Variants in PML observed in about 807,000 individuals in gnomAD.
The protein encoded by PML is protein PML.
Under a neutral mutation model 65.2 loss-of-function variants are expected in PML, and 28 were observed. The ratio of observed to expected loss-of-function variants is 0.43; its 90% CI spans 0.32 to 0.59. The LOEUF is 0.59. Ranked by LOEUF, PML falls within the 20% of genes least tolerant of loss-of-function variation. The pLI is 0.08. For missense variants in PML, 1,021 were observed against 1,203.4 expected, an observed-to-expected ratio of 0.85 and a Z score of 2.24; for synonymous variants, 500 against 508.8, an observed-to-expected ratio of 0.98 and a Z score of 0.23.
chr15:74,005,396 T>C (rs1325896038), intron 2 of PML, among the ~76,000 whole-genome samples: 1 of 152,192 alleles, frequency 6.6e-6, no homozygotes, highest in Non-Finnish European at 1.5e-5. Flanking sequence ...TATATGGATA[T>C]TGGAACTCCA....
rs1358122869 is a variant in PML, at chr15:74,037,775, G to A, written c.1710+3245G>A. ...GGCTCTGTTTTTTCTTGGTTGTGGT[G>A]CTCCTGCAGGTTTGCTGCTGGGCCC... On this transcript the variant is annotated intron_variant, in intron 7 of 8. Coordinates refer to ENST00000268058, the MANE Select transcript of PML (RefSeq NM_033238.3). The surrounding 1 kb of genome is among the most constrained non-coding windows in gnomAD (Gnocchi z 4.2). 1.1e-6 allele frequency: 1 copy of A among 936,362 alleles called. No individual in the cohort carries two copies. Among genetic ancestry groups the A allele is most frequent in the Non-Finnish European group, 1.3e-6 (1 of 785,230 alleles). The allele number at this position is 936,362 out of a possible 1,614,324, so 58.0% of individuals were successfully genotyped here.
intron 2 of PML, among the ~76,000 whole-genome samples, chr15:74,000,345 G>A (rs1290379812): frequency 4.0e-5 from 6 of 149,624 alleles, no homozygotes; most frequent in South Asian, 4.3e-4. Context: ...TTGCTCTGTC[G>A]CCCAGGCTGG....
intron 2 of PML, among the ~76,000 whole-genome samples, chr15:74,000,210 G>C (rs1367622700): frequency 6.6e-6 from 1 of 152,200 alleles, no homozygotes; most frequent in Non-Finnish European, 1.5e-5. Context: ...ATCCATGGGA[G>C]TCTGTTTCAA....
At chr15:74,017,452 G>A (rs1005974413) in intron 2 of PML, among the ~76,000 whole-genome samples, 1 of 152,082 alleles carries the variant, frequency 6.6e-6, no homozygotes, top group Non-Finnish European at 1.5e-5. Flanking sequence ...ATCGAGACCA[G>A]CCTGGCCGGC....
In PML at chr15:74,036,026, C is replaced by T. The variant is rs370389300; in HGVS notation, c.1710+1496C>T. On this transcript the variant is annotated intron_variant, in intron 7 of 8. Transcript: ENST00000268058. ...CCTGAGCTGCCTCCTCCAGCCCATG[C>T]TCTTACAGGCCCTGCACAGAGTAGC... is the stretch of plus-strand genomic sequence containing the variant. The T allele has an allele frequency of 2.5e-6, 4 of 1,614,008 alleles. No individual in the cohort carries two copies. In the African/African-American group the frequency reaches 5.3e-5, roughly 22 times the overall value.
chr15:74,028,337 C>G (rs910901472), intron 4 of PML: 2 of 151,898 alleles, frequency 1.3e-5, no homozygotes, highest in African/African-American at 4.8e-5. Context: ...GCCAGCCCGG[C>G]CTTCGGGGAG....
At position 74,043,145 on chromosome 15, in the gene PML, T is replaced by C. The variant is rs1373511165; in HGVS notation, c.1861+6T>C. On this transcript the variant is annotated splice_donor_region_variant and intron_variant, in intron 8 of 8. Coordinates refer to ENST00000268058, the MANE Select transcript of PML (RefSeq NM_033238.3). This position sits in a 1 kb window ranked among gnomAD's most constrained non-coding sequence, Gnocchi z 4.3. ...CCTCAAGATTGACAATGAAAGTGGG[T>C]TCTCCTGGGGCTACCCCCACCCCTT... 9.3e-6 allele frequency: 15 copies of C among 1,613,418 alleles called. No individual in the cohort carries two copies. Among genetic ancestry groups the C allele is most frequent in the Non-Finnish European group, 1.3e-5 (15 of 1,179,938 alleles).
chr15:74,042,600 C>T lies in PML; in HGVS notation c.1711-389C>T. Reference sequence around the variant, plus strand: ...CCATAAGCAGCACAGCACACTCATGCACACACCCACTGGCATTTTCTCTCA... The same window carrying T: ...CCATAAGCAGCACAGCACACTCATGTACACACCCACTGGCATTTTCTCTCA... On this transcript the variant is annotated intron_variant, in intron 7 of 8. Transcript: ENST00000268058. The surrounding 1 kb of genome is among the most constrained non-coding windows in gnomAD (Gnocchi z 5.3). 1.0e-6 allele frequency: 1 copy of T among 985,448 alleles called. No homozygotes were observed. Among genetic ancestry groups the T allele is most frequent in the Non-Finnish European group, 1.2e-6 (1 of 829,940 alleles). 61.0% of individuals were successfully genotyped at this position (985,448 alleles called of 1,614,324 possible).
chr15:74,023,354 G>C lies in PML; in HGVS notation c.1129G>C (p.Asp377His). The change falls in exon 3 of 9, where the codon GAC becomes CAC. Residue 377 changes from aspartate (D) to histidine (H), a missense_variant. Asp to His is a moderately conservative substitution (Grantham distance 81, BLOSUM62 -1). Transcript: ENST00000268058. ...LQAAVRTDGF[D>H]EFKVRLQDLS... Reference sequence around the variant, plus strand: ...AGCTGCCGTGCGCACCGATGGCTTCGACGAGTTCAAGGTGCGCCTGCAGGA... The same window carrying C: ...AGCTGCCGTGCGCACCGATGGCTTCCACGAGTTCAAGGTGCGCCTGCAGGA... The C allele has an allele frequency of 1.9e-6, 3 of 1,602,460 alleles. No individual in the cohort carries two copies. The highest frequency in any genetic ancestry group is 2.2e-5 in the South Asian group (2 of 91,062).
At position 74,035,598 on chromosome 15, in the gene PML, G is replaced by T. The variant is rs2071518258; in HGVS notation, c.1710+1068G>T. ...TCCTGCCAATGCCCAGGAACATCCT[G>T]CCCAGCTGCAAAGGGGCATCAGCCC... On this transcript the variant is annotated intron_variant, in intron 7 of 8. Coordinates refer to ENST00000268058, the MANE Select transcript of PML (RefSeq NM_033238.3). This position sits in a 1 kb window ranked among gnomAD's most constrained non-coding sequence, Gnocchi z 4.1. The T allele has an allele frequency of 6.2e-7, 1 of 1,612,646 alleles. No individual in the cohort carries two copies. Among genetic ancestry groups the T allele is most frequent in the Non-Finnish European group, 8.5e-7 (1 of 1,179,980 alleles).
At chr15:74,038,907 G>A (rs972696367) in intron 7 of PML, among the ~76,000 whole-genome samples, 14 of 152,226 alleles carry the variant, frequency 9.2e-5, no homozygotes, top group African/African-American at 3.4e-4. Flanking sequence ...TAGTCATGGG[G>A]TGGAGCAGTG....
At position 74,044,760 on chromosome 15, in the gene PML, CACA is replaced by C. The variant is rs754891232; in HGVS notation, c.2404_2406del (p.Asn802del). The stretch of plus-strand genomic sequence containing the variant: ...GGCTGAGGCCCGCCTCCTGGCCCTA[CACA>C]ACGTGAGCTTCATGGAGCTGCTGAG... On this transcript the variant is annotated inframe_deletion, in exon 9 of 9. Transcript: ENST00000268058. 1.2e-6 allele frequency: 2 copies of C among 1,612,812 alleles called. No individual in the cohort carries two copies. The highest frequency in any genetic ancestry group is 1.7e-6 in the Non-Finnish European group (2 of 1,180,026).
chr15:74,043,480 C>A lies in PML; in HGVS notation c.1861+341C>A. 9.6e-7 allele frequency: 1 copy of A among 1,036,692 alleles called. No individual in the cohort carries two copies. Among genetic ancestry groups the A allele is most frequent in the Non-Finnish European group, 1.3e-6 (1 of 765,664 alleles). 64.2% of individuals were successfully genotyped at this position (1,036,692 alleles called of 1,614,324 possible). A position where few individuals can be genotyped will look rare whatever the true frequency, so the allele number is the denominator to read the frequency against. On this transcript the variant is annotated intron_variant, in intron 8 of 8. Transcript: ENST00000268058. The surrounding 1 kb of genome is among the most constrained non-coding windows in gnomAD (Gnocchi z 4.3). ...GCTCATTGCCGTGAGCCCTGTCATC[C>A]AAGTAAGGCCTCTGGCTGTGCTACA...
chr15:74,012,887 A>C (rs545355141), intron 2 of PML, among the ~76,000 whole-genome samples: 1 of 152,014 alleles, frequency 6.6e-6, no homozygotes, highest in African/African-American at 2.4e-5. Context: ...TGGTGTTGAG[A>C]ATGTCTTTGG....
intron 4 of PML, chr15:74,027,673 T>G (rs1567132892): frequency 6.6e-6 from 1 of 152,256 alleles, no homozygotes; most frequent in Non-Finnish European, 1.5e-5. Context: ...CTGCACTGTC[T>G]TGTGTGAAGG....
At position 74,023,176 on chromosome 15, in the gene PML, C is replaced by T; in HGVS notation, c.951C>T (p.Gly317=). ...ACGAGGAGATGGCCAGTCGGCTGGGCCGCCTGGATGCTGTGCTGCAGCGCA... is the reference window on the plus strand; with the variant it reads ...ACGAGGAGATGGCCAGTCGGCTGGGTCGCCTGGATGCTGTGCTGCAGCGCA... The part of the protein sequence containing the change: ...RDYEEMASRL[G]RLDAVLQRIR... The change falls in exon 3 of 9, where the codon GGC becomes GGT. Residue 317 remains glycine, a synonymous_variant. Transcript: ENST00000268058. 1 of 1,606,146 alleles carries T rather than the reference C, an allele frequency of 6.2e-7. No individual in the cohort carries two copies. The highest frequency in any genetic ancestry group is 8.5e-7 in the Non-Finnish European group (1 of 1,177,406).
chr15:74,014,630 C>G (rs1010434892), intron 2 of PML, among the ~76,000 whole-genome samples: 1 of 151,492 alleles, frequency 6.6e-6, no homozygotes. Flanking sequence ...GGCGTGGTGG[C>G]GGGTGCCTAT....
chr15:74,012,944 A>G (rs2070402048), intron 2 of PML, among the ~76,000 whole-genome samples: 1 of 152,208 alleles, frequency 6.6e-6, no homozygotes, highest in South Asian at 2.1e-4. Flanking sequence ...TAATATTCTT[A>G]GGTCACAATC....
Position 73,994,760 on chromosome 15 carries a change from T to A in PML, c.-53T>A. On this transcript the variant is annotated 5_prime_UTR_variant, in exon 1 of 9. Coordinates refer to ENST00000268058, the MANE Select transcript of PML (RefSeq NM_033238.3). ...ACTGGCTCACGCCTCCCCTTCAGCT[T>A]CTCTTCACGCACTCCAAGATCTAAA... 6.5e-7 allele frequency: 1 copy of A among 1,548,196 alleles called. No homozygotes were observed. The highest frequency in any genetic ancestry group is 1.7e-4 in the Middle Eastern group (1 of 5,854).
Sources: gnomAD v4.1 joint callset for allele counts (sites outside exome capture counted in the v4.1 genomes callset) on GRCh38, gnomAD v4.1.1 for gene constraint, Gnocchi (gnomAD v3.1) non-coding constraint, MANE v1.5 for transcripts, NCBI Gene and HGNC (gene_info 2026-07-23, HGNC 2026-07-21) for gene names.